The following CLPTM1 variants were observed in gnomAD, a reference collection of about 807,000 sequenced individuals.
CLPTM1 encodes the protein putative lipid scramblase CLPTM1.
In CLPTM1, 21 loss-of-function variants were observed where a neutral mutation model predicts 77.3. The observed-to-expected ratio is 0.27, with a 90% CI of 0.19 to 0.39. CLPTM1 has a LOEUF of 0.39. Among genes scored for constraint, CLPTM1 ranks in the 10% least tolerant of loss-of-function variants. The pLI, the probability that CLPTM1 is intolerant of heterozygous loss-of-function variation, is 1.00. For synonymous variants in CLPTM1, 373 were observed against 381.0 expected (o/e 0.98, Z 0.24); for missense variants, 642 against 921.2 (o/e 0.70, Z 3.92).
intron 5 of CLPTM1, among the ~76,000 whole-genome samples, chr19:44,982,374 G>GTT (rs1021517532): frequency 6.6e-6 from 1 of 151,574 alleles, no homozygotes; most frequent in African/African-American, 2.4e-5. Context: ...TCTAGCGTGT[G>GTT]TTTTATATCA....
In CLPTM1 at chr19:44,990,831, G is replaced by A. The variant is rs1321730095; in HGVS notation, c.1324-19G>A. 1 of 1,601,050 alleles carries A rather than the reference G, an allele frequency of 6.2e-7. No individual in the cohort carries two copies. Among genetic ancestry groups the A allele is most frequent in the Non-Finnish European group, 8.6e-7 (1 of 1,168,848 alleles). Reference sequence around the variant, plus strand: ...GGAGCCAGCGTAGCAACTGACCATGGCACCCACCTCATCCACAGCTGGACC... The same window carrying A: ...GGAGCCAGCGTAGCAACTGACCATGACACCCACCTCATCCACAGCTGGACC... On this transcript the variant is annotated intron_variant, in intron 10 of 13. Coordinates refer to ENST00000337392, the MANE Select transcript of CLPTM1 (RefSeq NM_001294.4). The surrounding 1 kb of genome is among the most constrained non-coding windows in gnomAD (Gnocchi z 4.8).
chr19:44,960,209 G>T (rs991233253), intron 1 of CLPTM1, among the ~76,000 whole-genome samples: 2 of 152,176 alleles, frequency 1.3e-5, no homozygotes, highest in African/African-American at 2.4e-5. Flanking sequence ...CGACCCAGAC[G>T]TCAAAGGGAG....
chr19:44,991,178 A>T lies in CLPTM1; in HGVS notation c.1420-60A>T. 6.2e-7 allele frequency: 1 copy of T among 1,605,474 alleles called. No individual in the cohort carries two copies. Among genetic ancestry groups the T allele is most frequent in the Middle Eastern group, 1.8e-4 (1 of 5,518 alleles). On this transcript the variant is annotated intron_variant, in intron 11 of 13. Coordinates refer to ENST00000337392, the MANE Select transcript of CLPTM1 (RefSeq NM_001294.4). The surrounding 1 kb of genome is among the most constrained non-coding windows in gnomAD (Gnocchi z 5.4). ...CCAGGTGTGGTGGGTGAGGGCGGGGAGCAGGGCTGCCAGGCAGGGCTGAGG... is the reference window on the plus strand; with the variant it reads ...CCAGGTGTGGTGGGTGAGGGCGGGGTGCAGGGCTGCCAGGCAGGGCTGAGG...
chr19:44,965,509 GAAAAT>G (rs1970614266), intron 2 of CLPTM1, among the ~76,000 whole-genome samples: 3 of 144,842 alleles, frequency 2.1e-5, no homozygotes, highest in African/African-American at 5.1e-5. Context: ...AAAAAAAAGA[GAAAAT>G]AAAAATAAAA....
At chr19:44,958,406 T>C (rs1970496034) in intron 1 of CLPTM1, among the ~76,000 whole-genome samples, 1 of 151,972 alleles carries the variant, frequency 6.6e-6, no homozygotes, top group Non-Finnish European at 1.5e-5. Flanking sequence ...TTTTCTTTTT[T>C]CTGAGACGGA....
chr19:44,960,197 G>C (rs913262379), intron 1 of CLPTM1, among the ~76,000 whole-genome samples: 15 of 152,204 alleles, frequency 9.9e-5, no homozygotes, highest in African/African-American at 3.6e-4. Context: ...GTCTCACCCA[G>C]ACGACCCAGA....
intron 2 of CLPTM1, among the ~76,000 whole-genome samples, chr19:44,962,319 A>C (rs961445826): frequency 1.6e-4 from 24 of 152,172 alleles, no homozygotes; most frequent in Non-Finnish European, 3.2e-4. Context: ...ATTTGTGAAA[A>C]AATAAAAACA....
intron 2 of CLPTM1, among the ~76,000 whole-genome samples, chr19:44,966,336 A>G (rs568326751): frequency 1.2e-4 from 19 of 152,224 alleles, no homozygotes; most frequent in African/African-American, 3.4e-4. Flanking sequence ...GCGTGAACCT[A>G]GGAGGCGGAG....
chr19:44,971,667 T>C (rs1970719907), intron 2 of CLPTM1, among the ~76,000 whole-genome samples: 2 of 151,924 alleles, frequency 1.3e-5, no homozygotes, highest in South Asian at 4.1e-4. Context: ...CAAGTGACTC[T>C]CTCACCTCAG....
chr19:44,993,256 C>CCCCTACCACACTCCCCCTCCTAGACCG lies in CLPTM1; in HGVS notation c.*362_*388dup. The CCCCTACCACACTCCCCCTCCTAGACCG allele has an allele frequency of 2.0e-6, 1 of 493,504 alleles. No homozygotes were observed. The highest frequency in any genetic ancestry group is 3.9e-6 in the Non-Finnish European group (1 of 255,568). 30.6% of individuals were successfully genotyped at this position (493,504 alleles called of 1,614,324 possible). On this transcript the variant is annotated 3_prime_UTR_variant, in exon 14 of 14. Transcript: ENST00000337392. ...GCCGTTCATCATCTTGTCCCTCGTC[C>CCCCTACCACACTCCCCCTCCTAGACCG]CCCTACCACACTCCCCCTCCTAGAC...
chr19:44,976,510 A>G (rs1268897984), intron 4 of CLPTM1, among the ~76,000 whole-genome samples: 1 of 152,198 alleles, frequency 6.6e-6, no homozygotes, highest in Admixed American at 6.5e-5. Flanking sequence ...AAAGATAGGG[A>G]GAGTGAGGAG....
chr19:44,956,486 G>A (rs1437746955), intron 1 of CLPTM1, among the ~76,000 whole-genome samples: 2 of 152,220 alleles, frequency 1.3e-5, no homozygotes, highest in Non-Finnish European at 2.9e-5. Flanking sequence ...AAGAGCAAGT[G>A]GTATCACTTG....
chr19:44,983,637 A>G lies in CLPTM1; in HGVS notation c.587-1581A>G, dbSNP rs1432029023. On this transcript the variant is annotated intron_variant, in intron 5 of 13. Coordinates refer to ENST00000337392, the MANE Select transcript of CLPTM1 (RefSeq NM_001294.4). ...TGTCTCAAAAAAAAAAAAAAAAAAA[A>G]AAAAAAAAGAAAAGAAAAAAGAAAA... Among the ~76,000 whole-genome samples, 8 of 148,576 alleles carry G rather than the reference A, an allele frequency of 5.4e-5. No homozygotes were observed. The East Asian group carries it at 8.0e-4, about 15-fold the overall frequency.
intron 2 of CLPTM1, among the ~76,000 whole-genome samples, chr19:44,972,170 CTTAAG>C (rs1442825014): frequency 1.3e-5 from 2 of 151,816 alleles, no homozygotes; most frequent in African/African-American, 2.4e-5. Flanking sequence ...CTCTATACTT[CTTAAG>C]TTATTTTAAA....
At chr19:44,958,665 T>C (rs1970499731) in intron 1 of CLPTM1, among the ~76,000 whole-genome samples, 2 of 152,118 alleles carry the variant, frequency 1.3e-5, no homozygotes, top group East Asian at 1.9e-4. Context: ...AGCCACCACG[T>C]CCAGCCTTGT....
intron 5 of CLPTM1, among the ~76,000 whole-genome samples, chr19:44,982,477 A>G (rs1970913996): frequency 6.6e-6 from 1 of 152,032 alleles, no homozygotes; most frequent in Non-Finnish European, 1.5e-5. Context: ...GCTCTAGAAG[A>G]TTTTCCTCCA....
chr19:44,961,862 C>T, intron 1 of CLPTM1, 101 bp from the exon 2 acceptor site: 1 of 651,678 alleles, frequency 1.5e-6, no homozygotes, highest in African/African-American at 1.9e-5. Flanking sequence ...TGATAAGCAC[C>T]CACTCTTTGC....
At chr19:44,971,640 C>A (rs1016041608) in intron 2 of CLPTM1, among the ~76,000 whole-genome samples, 7 of 152,046 alleles carry the variant, frequency 4.6e-5, no homozygotes, top group African/African-American at 1.4e-4. Context: ...CTCACTGCAG[C>A]CTTGACCGTC....
chr19:44,963,293 T>G (rs1031039567), intron 2 of CLPTM1, among the ~76,000 whole-genome samples: 9 of 148,128 alleles, frequency 6.1e-5, no homozygotes, highest in African/African-American at 2.2e-4. Context: ...GAGGATCACT[T>G]GAGCCTTGGA....
Sources: gnomAD v4.1 joint callset for allele counts (sites outside exome capture counted in the v4.1 genomes callset) on GRCh38, gnomAD v4.1.1 for gene constraint, Gnocchi (gnomAD v3.1) non-coding constraint, MANE v1.5 for transcripts, NCBI Gene and HGNC (gene_info 2026-07-23, HGNC 2026-07-21) for gene names.